The following PPP3CA variants were observed in gnomAD, a reference collection of about 807,000 sequenced individuals.
The protein encoded by PPP3CA is protein phosphatase 3 catalytic subunit alpha.
Under a neutral mutation model 66.5 loss-of-function variants are expected in PPP3CA, and 14 were observed. The ratio of observed to expected loss-of-function variants is 0.21; its 90% confidence interval spans 0.14 to 0.33. PPP3CA has a LOEUF of 0.33. PPP3CA is among the 10% of genes least tolerant of loss of function. The pLI, the probability that PPP3CA is intolerant of heterozygous loss-of-function variation, is 1.00. For synonymous variants in PPP3CA, 232 were observed against 226.2 expected (o/e 1.03, Z -0.23); for missense variants, 317 against 639.5 (o/e 0.50, Z 5.44).
At chr4:101,040,436 A>G in intron 11 of PPP3CA, 46 bp downstream of exon 11, 2 of 1,281,402 alleles carry the variant, frequency 1.6e-6, no homozygotes, top group Non-Finnish European at 2.2e-6. Context: ...TTATTAGGTG[A>G]CACATAATAC....
At chr4:101,139,807 C>T (rs1303232696) in intron 2 of PPP3CA, among the ~76,000 whole-genome samples, 3 of 150,404 alleles carry the variant, frequency 2.0e-5, no homozygotes, top group African/African-American at 7.3e-5. Context: ...CTTTGAGAAC[C>T]TTAACTCTTT....
intron 3 of PPP3CA, among the ~76,000 whole-genome samples, chr4:101,106,450 A>AGAGAAGAG (rs1553925317): frequency 9.0e-5 from 1 of 11,094 alleles, no homozygotes; most frequent in African/African-American, 4.1e-4. Context: ...AGAAAGAAAG[A>AGAGAAGAG]AAGAGAAAAG....
At chr4:101,343,947 T>C (rs1003933117) in intron 1 of PPP3CA, among the ~76,000 whole-genome samples, 8 of 152,092 alleles carry the variant, frequency 5.3e-5, no homozygotes, top group Admixed American at 1.3e-4. Context: ...CTAATAAATA[T>C]AACTGTAAGC....
intron 1 of PPP3CA, among the ~76,000 whole-genome samples, chr4:101,232,484 A>T (rs1242562674): frequency 6.6e-6 from 1 of 151,838 alleles, no homozygotes; most frequent in Non-Finnish European, 1.5e-5. Context: ...AAATAAAATC[A>T]GCAAGAGTAT....
At chr4:101,163,371 T>C (rs530653244) in intron 2 of PPP3CA, among the ~76,000 whole-genome samples, 171 of 152,172 alleles carry the variant, frequency 1.1e-3, no homozygotes, top group Non-Finnish European at 1.9e-3. Flanking sequence ...GTCCCTTCTC[T>C]CAAGAAAAAC....
intron 1 of PPP3CA, among the ~76,000 whole-genome samples, chr4:101,288,073 A>G (rs190115890): frequency 6.6e-6 from 1 of 152,330 alleles, no homozygotes; most frequent in East Asian, 1.9e-4. Flanking sequence ...ATATAAAAAT[A>G]GGAGTCTGAG....
intron 1 of PPP3CA, among the ~76,000 whole-genome samples, chr4:101,275,865 T>TG (rs1727475063): frequency 6.9e-6 from 1 of 145,342 alleles, no homozygotes; most frequent in South Asian, 2.3e-4. Flanking sequence ...TGTGTGGTTT[T>TG]TTTTTTGTTT....
intron 1 of PPP3CA, among the ~76,000 whole-genome samples, chr4:101,336,146 C>T (rs990439113): frequency 1.3e-5 from 2 of 151,200 alleles, no homozygotes; most frequent in African/African-American, 2.4e-5. Context: ...ATCCAGGAGG[C>T]GGAGCTTGCA....
At position 101,324,154 on chromosome 4, in the gene PPP3CA, G is replaced by GGA. The variant is rs1729130998; in HGVS notation, c.58+22584_58+22585insTC. Among the ~76,000 whole-genome samples the GGA allele has an allele frequency of 5.0e-4, 33 of 66,482 alleles. No homozygotes were observed. In the East Asian group the frequency reaches 0.012, roughly 24 times the overall value. The allele number at this position is 66,482 out of a possible 152,430, so 43.6% of individuals were successfully genotyped here. The stretch of plus-strand genomic sequence containing the variant: ...AGGGAAGGAAGGGAAGGAAGGGAGG[G>GGA]AGGAAGGAAGGAAGGAAGGAAGGAA... On this transcript the variant is annotated intron_variant, in intron 1 of 13. Transcript: ENST00000394854.
chr4:101,224,059 T>A (rs1209622122), intron 1 of PPP3CA, among the ~76,000 whole-genome samples: 1 of 151,758 alleles, frequency 6.6e-6, no homozygotes, highest in Non-Finnish European at 1.5e-5. Flanking sequence ...AAAATTGAAA[T>A]GACTTCTAAT....
chr4:101,297,969 C>A (rs1444358259), intron 1 of PPP3CA, among the ~76,000 whole-genome samples: 1 of 151,940 alleles, frequency 6.6e-6, no homozygotes, highest in Non-Finnish European at 1.5e-5. Context: ...AGAAATAGGA[C>A]CAGGAATCAG....
intron 10 of PPP3CA, among the ~76,000 whole-genome samples, chr4:101,052,909 T>G (rs968138893): frequency 3.3e-5 from 5 of 152,114 alleles, no homozygotes; most frequent in African/African-American, 9.6e-5. Flanking sequence ...TATTCAATAT[T>G]TTATCCCAAT....
chr4:101,107,791 T>C (rs111841836), intron 3 of PPP3CA, among the ~76,000 whole-genome samples: 1 of 152,208 alleles, frequency 6.6e-6, no homozygotes, highest in Non-Finnish European at 1.5e-5. Flanking sequence ...AATTTTGAAA[T>C]ATAGAATGTT....
chr4:101,228,021 A>G (rs1233024261), intron 1 of PPP3CA, among the ~76,000 whole-genome samples: 1 of 151,586 alleles, frequency 6.6e-6, no homozygotes, highest in East Asian at 2.0e-4. Flanking sequence ...CAGGCCTTTT[A>G]AAGGGGATTC....
At chr4:101,160,103 A>G (rs1273088079) in intron 2 of PPP3CA, among the ~76,000 whole-genome samples, 2 of 152,158 alleles carry the variant, frequency 1.3e-5, no homozygotes, top group African/African-American at 4.8e-5. Flanking sequence ...AAAGTAAAAT[A>G]TAAAAGTATG....
chr4:101,147,445 A>C (rs1009338571), intron 2 of PPP3CA, among the ~76,000 whole-genome samples: 3 of 152,204 alleles, frequency 2.0e-5, no homozygotes, highest in Non-Finnish European at 4.4e-5. Context: ...GATGCCTTTT[A>C]TCTGAGAATA....
intron 1 of PPP3CA, among the ~76,000 whole-genome samples, chr4:101,287,325 A>G (rs190114922): frequency 6.6e-6 from 1 of 152,264 alleles, no homozygotes; most frequent in South Asian, 2.1e-4. Context: ...AACACAACTT[A>G]AAAAGTCACA....
At chr4:101,169,806 T>G (rs1470598220) in intron 2 of PPP3CA, among the ~76,000 whole-genome samples, 1 of 152,122 alleles carries the variant, frequency 6.6e-6, no homozygotes, top group Admixed American at 6.6e-5. Flanking sequence ...AGAAGAGGCT[T>G]CAAAAAATGC....
intron 1 of PPP3CA, among the ~76,000 whole-genome samples, chr4:101,284,454 A>T (rs1727775084): frequency 6.6e-6 from 1 of 152,178 alleles, no homozygotes; most frequent in South Asian, 2.1e-4. Context: ...AAAGCTTGTA[A>T]CTTGCTTTTG....
Sources: allele counts gnomAD v4.1 joint callset (sites outside exome capture counted in the v4.1 genomes callset), GRCh38; gene constraint gnomAD v4.1.1; transcripts MANE v1.5; gene names NCBI Gene and HGNC (gene_info 2026-07-23, HGNC 2026-07-21).